The following CHRM3 variants were observed in gnomAD, a reference collection of about 807,000 sequenced individuals.
CHRM3 encodes muscarinic acetylcholine receptor M3.
CHRM3 carries 11 observed loss-of-function variants against 41.8 expected under a neutral mutation model. The observed-to-expected ratio is 0.26, with a 90% CI of 0.17 to 0.44. CHRM3 has a LOEUF of 0.44. Ranked by LOEUF, CHRM3 falls within the 20% of genes least tolerant of loss-of-function variation. CHRM3 has a pLI of 1.00. For missense variants in CHRM3, 571 were observed against 745.4 expected (o/e 0.77, Z 2.72); for synonymous variants, 297 against 301.4 (o/e 0.99, Z 0.15).
At chr1:239,544,586 G>A (rs2148406998) in intron 2 of CHRM3, among the ~76,000 whole-genome samples, 1 of 152,256 alleles carries the variant, frequency 6.6e-6, no homozygotes, top group South Asian at 2.1e-4. Context: ...TAAATTAAAG[G>A]ATTGACAAAA....
chr1:239,392,257 G>A (rs578041510), intron 1 of CHRM3, among the ~76,000 whole-genome samples: 31 of 152,206 alleles, frequency 2.0e-4, no homozygotes, highest in African/African-American at 6.5e-4. Flanking sequence ...TGTAGTGCCC[G>A]GTTCCACTTG....
At chr1:239,590,198 G>C (rs1663966316) in intron 3 of CHRM3, among the ~76,000 whole-genome samples, 1 of 151,994 alleles carries the variant, frequency 6.6e-6, no homozygotes, top group Non-Finnish European at 1.5e-5. Flanking sequence ...AGCTACTCCT[G>C]GTGTGGAGTA....
chr1:239,624,527 G>T (rs1350111055), intron 3 of CHRM3, among the ~76,000 whole-genome samples: 5 of 149,096 alleles, frequency 3.4e-5, no homozygotes, highest in African/African-American at 5.0e-5. Context: ...GTCAATTTTG[G>T]CTTTTGTTGC....
intron 3 of CHRM3, among the ~76,000 whole-genome samples, chr1:239,550,099 C>T (rs1659674759): frequency 6.6e-6 from 1 of 151,974 alleles, no homozygotes; most frequent in Non-Finnish European, 1.5e-5. Context: ...TGCCAATCTC[C>T]TCTGCCTCCT....
At chr1:239,512,771 C>A (rs1208464003) in intron 2 of CHRM3, among the ~76,000 whole-genome samples, 1 of 151,416 alleles carries the variant, frequency 6.6e-6, no homozygotes, top group Non-Finnish European at 1.5e-5. Context: ...GCTTTAATTC[C>A]AAATTCATAT....
chr1:239,647,667 C>A (rs1671857549), intron 4 of CHRM3, among the ~76,000 whole-genome samples: 1 of 152,158 alleles, frequency 6.6e-6, no homozygotes, highest in South Asian at 2.1e-4. Flanking sequence ...CTGGACAGCT[C>A]CACATGGGTT....
At chr1:239,701,995 C>T (rs1358422502) in intron 5 of CHRM3, among the ~76,000 whole-genome samples, 2 of 152,116 alleles carry the variant, frequency 1.3e-5, no homozygotes, top group African/African-American at 4.8e-5. Flanking sequence ...AATAATTTTT[C>T]TATTAATATT....
chr1:239,548,606 G>A (rs757265993), intron 3 of CHRM3, among the ~76,000 whole-genome samples: 1 of 152,206 alleles, frequency 6.6e-6, no homozygotes, highest in Admixed American at 6.5e-5. Flanking sequence ...TATGGGGGAA[G>A]CTTTTGGGCA....
At chr1:239,641,015 C>T (rs1219019286) in intron 4 of CHRM3, among the ~76,000 whole-genome samples, 254 of 151,964 alleles carry the variant, frequency 1.7e-3, no homozygotes, top group Non-Finnish European at 3.0e-3. Context: ...GCCTTCATTT[C>T]GTTATGTACC....
chr1:239,844,887 T>C (rs1674136523), intron 6 of CHRM3, among the ~76,000 whole-genome samples: 1 of 151,910 alleles, frequency 6.6e-6, no homozygotes, highest in Non-Finnish European at 1.5e-5. Flanking sequence ...ACAGAAGAAG[T>C]AGAGGGGTGG....
intron 3 of CHRM3, among the ~76,000 whole-genome samples, chr1:239,621,865 C>A (rs2355230): frequency 0.73 from 104,557 of 143,304 alleles, 36,767 homozygotes; most frequent in African/African-American, 0.88. Context: ...TGTAGATCGA[C>A]CAGCCTTCTG....
At chr1:239,808,782 G>T (rs1281028694) in intron 5 of CHRM3, among the ~76,000 whole-genome samples, 1 of 151,958 alleles carries the variant, frequency 6.6e-6, no homozygotes, top group Non-Finnish European at 1.5e-5. Flanking sequence ...CTGTTTGTGA[G>T]AATTAAATCA....
chr1:239,764,019 A>G, intron 5 of CHRM3, among the ~76,000 whole-genome samples: 1 of 151,704 alleles, frequency 6.6e-6, no homozygotes, highest in Non-Finnish European at 1.5e-5. Context: ...TGAGCCCAGC[A>G]GTTTGAGGTT....
chr1:239,767,794 C>T (rs1667339900), intron 5 of CHRM3, among the ~76,000 whole-genome samples: 1 of 152,134 alleles, frequency 6.6e-6, no homozygotes, highest in South Asian at 2.1e-4. Context: ...GATGGATCTA[C>T]CTGGTTTTCC....
At chr1:239,599,646 T>C (rs1665267003) in intron 3 of CHRM3, among the ~76,000 whole-genome samples, 1 of 152,134 alleles carries the variant, frequency 6.6e-6, no homozygotes, top group African/African-American at 2.4e-5. Context: ...GAAAATATGA[T>C]AAGTCAAAAA....
intron 3 of CHRM3, among the ~76,000 whole-genome samples, chr1:239,605,819 T>C (rs1666175367): frequency 6.6e-6 from 1 of 152,190 alleles, no homozygotes. Context: ...ATGAAGGTTT[T>C]TCATTCAGGC....
chr1:239,676,729 A>T (rs1658038789), intron 4 of CHRM3, among the ~76,000 whole-genome samples: 1 of 152,180 alleles, frequency 6.6e-6, no homozygotes, highest in Non-Finnish European at 1.5e-5. Flanking sequence ...AGCACATGGT[A>T]GGGGTGAACT....
At chr1:239,587,143 C>A (rs910682521) in intron 3 of CHRM3, among the ~76,000 whole-genome samples, 1 of 152,154 alleles carries the variant, frequency 6.6e-6, no homozygotes, top group East Asian at 1.9e-4. Flanking sequence ...GCGTGGTGAC[C>A]TTTCTGACCA....
chr1:239,752,254 A>G (rs1665891712), intron 5 of CHRM3, among the ~76,000 whole-genome samples: 1 of 152,232 alleles, frequency 6.6e-6, no homozygotes. Flanking sequence ...AAACATCGTC[A>G]GAGAGCTATT....
Sources: gnomAD v4.1 joint callset for allele counts (sites outside exome capture counted in the v4.1 genomes callset) on GRCh38, gnomAD v4.1.1 for gene constraint, MANE v1.5 for transcripts, NCBI Gene and HGNC (gene_info 2026-07-23, HGNC 2026-07-21) for gene names.